The following CDK14 variants were observed in gnomAD, a reference collection of about 807,000 sequenced individuals.
The protein encoded by CDK14 is cyclin-dependent kinase 14.
A neutral mutation model predicts 60.7 loss-of-function variants in CDK14; 34 were observed. The ratio of observed to expected loss-of-function variants is 0.56; its 90% CI spans 0.43 to 0.75. The LOEUF (loss-of-function observed/expected upper bound fraction) is 0.75, where lower values mean the gene tolerates loss of function less well. CDK14 is among the 30% of genes least tolerant of loss of function. The pLI is 0.00. For synonymous variants in CDK14, 197 were observed against 203.7 expected (o/e 0.97, Z 0.28); for missense variants, 482 against 564.1 (o/e 0.85, Z 1.47).
At chr7:90,630,728 A>T (rs1799976204) in intron 2 of CDK14, among the ~76,000 whole-genome samples, 1 of 152,160 alleles carries the variant, frequency 6.6e-6, no homozygotes, top group South Asian at 2.1e-4. Flanking sequence ...TTTAGCCCTT[A>T]TTCTAAATTA....
intron 14 of CDK14, among the ~76,000 whole-genome samples, chr7:91,204,922 T>G (rs1802838952): frequency 6.6e-6 from 1 of 150,430 alleles, no homozygotes; most frequent in South Asian, 2.1e-4. Context: ...CACTCCAGCT[T>G]GGGTGGCAGA....
intron 14 of CDK14, among the ~76,000 whole-genome samples, chr7:91,180,134 G>C (rs1801948963): frequency 6.6e-6 from 1 of 152,110 alleles, no homozygotes; most frequent in Non-Finnish European, 1.5e-5. Context: ...GATTCCCCTT[G>C]TCAGCTGAGG....
chr7:90,687,563 A>G (rs1387573729), intron 2 of CDK14, among the ~76,000 whole-genome samples: 2 of 152,072 alleles, frequency 1.3e-5, no homozygotes, highest in African/African-American at 4.8e-5. Context: ...GAAGATAATA[A>G]TGGATCTAGA....
intron 4 of CDK14, among the ~76,000 whole-genome samples, chr7:90,759,100 G>A (rs552148141): frequency 1.3e-5 from 2 of 151,332 alleles, no homozygotes; most frequent in South Asian, 2.1e-4. Context: ...CAGGTAAAAT[G>A]GTGTGGGGTT....
At chr7:91,133,677 A>G (rs1800180867) in intron 14 of CDK14, among the ~76,000 whole-genome samples, 2 of 152,116 alleles carry the variant, frequency 1.3e-5, no homozygotes, top group South Asian at 4.1e-4. Context: ...CCTTACTTTA[A>G]CAGAGAAGAT....
intron 14 of CDK14, among the ~76,000 whole-genome samples, chr7:91,164,389 G>C (rs558771988): frequency 5.3e-5 from 8 of 152,298 alleles, no homozygotes; most frequent in African/African-American, 1.9e-4. Flanking sequence ...ACAACCCGAA[G>C]AGAGAGCTAC....
At chr7:90,813,997 A>C (rs748544169) in intron 5 of CDK14, among the ~76,000 whole-genome samples, 2 of 152,238 alleles carry the variant, frequency 1.3e-5, no homozygotes, top group Non-Finnish European at 2.9e-5. Flanking sequence ...TTCAAGTGTC[A>C]ACATTAGTGA....
chr7:90,610,406 G>T (rs541262072), intron 2 of CDK14, among the ~76,000 whole-genome samples: 1 of 152,206 alleles, frequency 6.6e-6, no homozygotes, highest in Non-Finnish European at 1.5e-5. Flanking sequence ...TCCTTGTGCC[G>T]CTGGCCTGTT....
Position 90,747,597 on chromosome 7 carries a change from CTG to C in CDK14, c.370-82_370-81del, listed in dbSNP as rs554543015. On this transcript the variant is annotated intron_variant, in intron 3 of 14. Transcript: ENST00000380050. The stretch of plus-strand genomic sequence containing the variant: ...AGTTATTTAAAAAGTGACAGAGAAT[CTG>C]TACATTTTTAGCAAAATCAGGGTAT... The C allele has an allele frequency of 5.3e-4, 385 of 732,874 alleles. 5 individuals are homozygous for C. In the South Asian group the frequency reaches 6.7e-3, roughly 13 times the overall value. The allele number at this position is 732,874 out of a possible 1,614,324, so 45.4% of individuals were successfully genotyped here.
chr7:91,090,431 A>C (rs2116267379), intron 12 of CDK14, among the ~76,000 whole-genome samples: 1 of 152,308 alleles, frequency 6.6e-6, no homozygotes, highest in East Asian at 1.9e-4. Context: ...AGTAATTTAA[A>C]ATGTGGCTAG....
chr7:90,956,863 T>C (rs113084015), intron 9 of CDK14, among the ~76,000 whole-genome samples: 29 of 150,836 alleles, frequency 1.9e-4, no homozygotes, highest in African/African-American at 6.8e-4. Context: ...GAATATGTGG[T>C]ATTTGGTTTT....
intron 5 of CDK14, among the ~76,000 whole-genome samples, chr7:90,791,301 A>G (rs2116968695): frequency 6.6e-6 from 1 of 152,308 alleles, no homozygotes; most frequent in African/African-American, 2.4e-5. Flanking sequence ...AGAGAATAAA[A>G]TATCTTTTTT....
At chr7:91,168,139 G>A (rs1185402862) in intron 14 of CDK14, among the ~76,000 whole-genome samples, 2 of 151,846 alleles carry the variant, frequency 1.3e-5, no homozygotes, top group African/African-American at 4.8e-5. Flanking sequence ...GCGCACGTCT[G>A]TAATCCCAGC....
intron 10 of CDK14, among the ~76,000 whole-genome samples, chr7:91,042,030 A>C (rs1797106425): frequency 6.6e-6 from 1 of 152,172 alleles, no homozygotes; most frequent in South Asian, 2.1e-4. Flanking sequence ...TGCATAAAGC[A>C]CTCAGACATC....
chr7:91,059,262 A>C (rs1167620746), intron 11 of CDK14, among the ~76,000 whole-genome samples: 1 of 151,984 alleles, frequency 6.6e-6, no homozygotes, highest in Non-Finnish European at 1.5e-5. Context: ...CCCCTTTAAC[A>C]TTTTTTATTG....
intron 2 of CDK14, among the ~76,000 whole-genome samples, chr7:90,711,239 A>C (rs1030155439): frequency 1.3e-5 from 2 of 151,954 alleles, no homozygotes; most frequent in Non-Finnish European, 2.9e-5. Flanking sequence ...ACTATGAGTA[A>C]ATTTCTTTAA....
chr7:90,655,576 A>G (rs531555147), intron 2 of CDK14, among the ~76,000 whole-genome samples: 2 of 152,346 alleles, frequency 1.3e-5, no homozygotes, highest in East Asian at 3.9e-4. Flanking sequence ...CAAACTGAAT[A>G]TCTGACATAA....
At chr7:90,618,515 G>C (rs1396256776) in intron 2 of CDK14, among the ~76,000 whole-genome samples, 7 of 152,126 alleles carry the variant, frequency 4.6e-5, no homozygotes, top group Admixed American at 3.3e-4. Context: ...CATGACCCAG[G>C]TGCTGGGTCC....
rs574413490 is a variant in CDK14, at chr7:90,932,656, C to T, written c.826+14932C>T. Among the ~76,000 whole-genome samples, 9 of 152,270 alleles carry T rather than the reference C, an allele frequency of 5.9e-5. No homozygotes were observed. The East Asian group carries it at 1.4e-3, about 23-fold the overall frequency. ...TGTCTGTTGCTGTGTAAAAAATTAC[C>T]GCAAAATAAGCTGCTTAAAATAGCA... On this transcript the variant is annotated intron_variant, in intron 8 of 14. Coordinates refer to ENST00000380050, the MANE Select transcript of CDK14 (RefSeq NM_001287135.2).
Sources: gnomAD v4.1 joint callset for allele counts (sites outside exome capture counted in the v4.1 genomes callset) on GRCh38, gnomAD v4.1.1 for gene constraint, MANE v1.5 for transcripts, NCBI Gene and HGNC (gene_info 2026-07-23, HGNC 2026-07-21) for gene names.